CUL2: variants seen among roughly 807,000 people sequenced by gnomAD.
CUL2 encodes the protein cullin 2, also known as cullin-2.
A neutral mutation model predicts 110.2 loss-of-function variants in CUL2; 22 were observed. The observed-to-expected ratio is 0.20, with a 90% CI of 0.14 to 0.28. The LOEUF (loss-of-function observed/expected upper bound fraction) is 0.28. CUL2 is among the 10% of genes least tolerant of loss of function. The probability of loss-of-function intolerance (pLI) is 1.00; values close to 1 mark genes in which losing one functional copy is unlikely to be tolerated. For synonymous variants in CUL2, 279 were observed against 293.2 expected (o/e 0.95, Z 0.49); for missense variants, 631 against 905.5 (o/e 0.70, Z 3.89).
intron 1 of CUL2, among the ~76,000 whole-genome samples, chr10:35,085,742 C>T (rs976577960): frequency 6.7e-6 from 1 of 150,044 alleles, no homozygotes; most frequent in South Asian, 2.1e-4. Flanking sequence ...TGAAACATTG[C>T]TTTCAATCAC....
At position 35,054,121 on chromosome 10, in the gene CUL2, A is replaced by G. The variant is rs193045235; in HGVS notation, c.423+313T>C. ...TTCCTCTCCTCTAGCCTGTCTTTTA[A>G]GTACTTGTCCCCTGCACTTTTTAAC... is the stretch of plus-strand genomic sequence containing the variant. On this transcript the variant is annotated intron_variant, in intron 5 of 20. Coordinates refer to ENST00000374749, the MANE Select transcript of CUL2 (RefSeq NM_003591.4). 7.2e-5 allele frequency among the ~76,000 whole-genome samples: 11 copies of G among 152,306 alleles called. No homozygotes were observed. In the East Asian group the frequency reaches 2.1e-3, roughly 29 times the overall value.
Position 35,045,335 on chromosome 10 carries a change from T to C in CUL2, c.507-467A>G, listed in dbSNP as rs550172511. On this transcript the variant is annotated intron_variant, in intron 6 of 20. Transcript: ENST00000374749. ...CAGGCACCGTGGCTCGTGCCTGTAATCCCAACACTTTGGGAGGCCAAGGTG... is the reference window on the plus strand; with the variant it reads ...CAGGCACCGTGGCTCGTGCCTGTAACCCCAACACTTTGGGAGGCCAAGGTG... Among the ~76,000 whole-genome samples the C allele has an allele frequency of 6.6e-5, 10 of 152,216 alleles. No individual in the cohort carries two copies. In the South Asian group the frequency reaches 1.9e-3, roughly 28 times the overall value.
Position 35,025,329 on chromosome 10 carries a change from CCTT to C in CUL2, c.1618-134_1618-132del, listed in dbSNP as rs773000746. ...ACATTAAAGCCCATCTGGTTTACCT[CCTT>C]CTTTTACAGAGGAGAAAGCACGTTC... On this transcript the variant is annotated intron_variant, in intron 16 of 20. Transcript: ENST00000374749. 1,747 of 1,284,366 alleles carry C rather than the reference CCTT, an allele frequency of 1.4e-3. 1 individual carries two copies. The highest frequency in any genetic ancestry group is 1.8e-3 in the Middle Eastern group (6 of 3,414). 79.6% of individuals were successfully genotyped at this position (1,284,366 alleles called of 1,614,324 possible). A position where few individuals can be genotyped will look rare whatever the true frequency, so the allele number is the denominator to read the frequency against.
chr10:35,048,698 T>C (rs1419255686), intron 6 of CUL2, among the ~76,000 whole-genome samples: 1 of 152,176 alleles, frequency 6.6e-6, no homozygotes, highest in Non-Finnish European at 1.5e-5. Flanking sequence ...TCCAGCTCTC[T>C]ATCTCTAAAA....
At chr10:35,078,709 T>C (rs1017116207) in intron 1 of CUL2, among the ~76,000 whole-genome samples, 4 of 152,236 alleles carry the variant, frequency 2.6e-5, no homozygotes, top group African/African-American at 9.6e-5. Flanking sequence ...AAAAGATGCA[T>C]TTTGGTGTTT....
upstream of CUL2, among the ~76,000 whole-genome samples, chr10:35,091,505 C>T (rs979107521): frequency 6.6e-6 from 1 of 152,132 alleles, no homozygotes; most frequent in African/African-American, 2.4e-5. Flanking sequence ...CCCATGTTTT[C>T]CCCCTTTTAA....
chr10:35,028,883 C>A lies in CUL2; in HGVS notation c.1544G>T (p.Gly515Val), dbSNP rs1224207592. ...ISFQIYVLQA[G>V]AWPLTQAPSS... ...AGGAGCCTGAGTAAGAGGCCACGCA[C>A]CAGCCTAGAAGGAAAAAAATAAAAT... The change falls in exon 16 of 21, where the codon GGT becomes GTT. Residue 515 changes from glycine (G) to valine (V), a missense_variant. Coordinates refer to ENST00000374749, the MANE Select transcript of CUL2 (RefSeq NM_003591.4). The A allele has an allele frequency of 1.9e-6, 3 of 1,603,016 alleles. No homozygotes were observed. Among genetic ancestry groups the A allele is most frequent in the Non-Finnish European group, 2.6e-6 (3 of 1,172,688 alleles).
chr10:35,098,449 G>A (rs1410267180), intron 2 of CUL2, among the ~76,000 whole-genome samples: 4 of 152,000 alleles, frequency 2.6e-5, no homozygotes, highest in East Asian at 3.8e-4. Context: ...CCCCAGGCAC[G>A]GTGGCTTACA....
intron 14 of CUL2, among the ~76,000 whole-genome samples, chr10:35,030,442 G>T (rs1191233335): frequency 1.3e-5 from 2 of 152,104 alleles, no homozygotes; most frequent in African/African-American, 4.8e-5. Flanking sequence ...GAGTGCAGTG[G>T]TATGATCATG....
chr10:35,126,907 G>A (rs2087869951), upstream of CUL2: 1 of 152,244 alleles, frequency 6.6e-6, no homozygotes, highest in Non-Finnish European at 1.5e-5. Flanking sequence ...TTCGAGCCTG[G>A]ATTTTTTTCC....
At chr10:35,102,254 A>G (rs1250689870) in intron 1 of CUL2, among the ~76,000 whole-genome samples, 1 of 151,968 alleles carries the variant, frequency 6.6e-6, no homozygotes, top group Non-Finnish European at 1.5e-5. Context: ...TAATAATAAC[A>G]TTAATAAAAA....
Position 35,035,241 on chromosome 10 carries a change from CAT to C in CUL2, c.931_932del (p.Met311AspfsTer10). 6.2e-7 allele frequency: 1 copy of C among 1,614,118 alleles called. No individual in the cohort carries two copies. The part of the protein sequence containing the change: ...LRAVSTGLPH[M>X]IQELQNHIHD... ...GGATGTGGTTTTGCAGCTCCTGAAT[CAT>C]ATGAGGTAAACCAGTGGACACAGCA... On this transcript the variant is annotated frameshift_variant, in exon 10 of 21. Coordinates refer to ENST00000374749, the MANE Select transcript of CUL2 (RefSeq NM_003591.4). LOFTEE classifies it high-confidence loss of function.
intron 2 of CUL2, 80 bp downstream of exon 2, chr10:35,071,119 C>A: frequency 7.3e-7 from 1 of 1,374,858 alleles, no homozygotes. Flanking sequence ...GAAAGTTCTT[C>A]CATAACATTG....
At chr10:35,114,009 G>A (rs1443982772) in intron 1 of CUL2, among the ~76,000 whole-genome samples, 11 of 151,244 alleles carry the variant, frequency 7.3e-5, no homozygotes, top group Admixed American at 2.0e-4. Context: ...CTGGATTCAC[G>A]CCATTCTCCT....
intron 1 of CUL2, among the ~76,000 whole-genome samples, chr10:35,121,823 A>AT (rs1479562429): frequency 7.9e-4 from 120 of 151,996 alleles, no homozygotes; most frequent in Non-Finnish European, 9.4e-4. Context: ...AAAAAAAAAA[A>AT]AAATAAAAAT....
At chr10:35,109,287 C>T (rs986280206) in intron 1 of CUL2, among the ~76,000 whole-genome samples, 1 of 152,174 alleles carries the variant, frequency 6.6e-6, no homozygotes, top group African/African-American at 2.4e-5. Context: ...ACCGTCATTT[C>T]AACCAGGCAG....
chr10:35,099,985 T>C (rs2078961727), intron 2 of CUL2, among the ~76,000 whole-genome samples: 1 of 152,096 alleles, frequency 6.6e-6, no homozygotes, highest in African/African-American at 2.4e-5. Flanking sequence ...TTTTTTTGTT[T>C]TCTAGAGACA....
Position 35,069,956 on chromosome 10 carries a change from T to C in CUL2, c.119+1243A>G, listed in dbSNP as rs1001720281. The stretch of plus-strand genomic sequence containing the variant: ...TAATGTTCCACAGAAAAATTAGCTA[T>C]CTAATTCAAAGGCAGAATCTATATT... On this transcript the variant is annotated intron_variant, in intron 2 of 20. Transcript: ENST00000374749. 1.2e-4 allele frequency among the ~76,000 whole-genome samples: 19 copies of C among 152,216 alleles called. 1 individual carries two copies. The highest frequency in any genetic ancestry group is 4.3e-4 in the African/African-American group (18 of 41,456).
chr10:35,067,406 G>C (rs1361392044), intron 2 of CUL2, among the ~76,000 whole-genome samples: 1 of 152,044 alleles, frequency 6.6e-6, no homozygotes. Context: ...AAGTAAACTA[G>C]AACAGGGCCA....
Sources: gnomAD v4.1 joint callset for allele counts (sites outside exome capture counted in the v4.1 genomes callset) on GRCh38, gnomAD v4.1.1 for gene constraint, MANE v1.5 for transcripts, NCBI Gene and HGNC (gene_info 2026-07-23, HGNC 2026-07-21) for gene names.